Variants in GALNT9 observed in about 807,000 individuals in gnomAD.
The protein encoded by GALNT9 is polypeptide N-acetylgalactosaminyltransferase 9.
GALNT9 carries 47 observed loss-of-function variants against 63.1 expected under a neutral mutation model. That is an observed-to-expected ratio of 0.75 (90% CI 0.59 to 0.95). The LOEUF is 0.95. GALNT9 is among the 40% of genes least tolerant of loss of function. The pLI, the probability that GALNT9 is intolerant of heterozygous loss-of-function variation, is 0.00. For missense variants in GALNT9, 829 were observed against 874.8 expected (o/e 0.95, Z 0.66); for synonymous variants, 396 against 365.7 (o/e 1.08, Z -0.94).
chr12:132,258,543 A>T (rs926027188), intron 4 of GALNT9, among the ~76,000 whole-genome samples: 1 of 152,042 alleles, frequency 6.6e-6, no homozygotes, highest in Non-Finnish European at 1.5e-5. Context: ...CACAGTTTTA[A>T]GTAGGGCTGC....
chr12:132,281,550 G>A (rs781983913), intron 2 of GALNT9, among the ~76,000 whole-genome samples: 1 of 152,226 alleles, frequency 6.6e-6, no homozygotes, highest in Non-Finnish European at 1.5e-5. Context: ...CTTCAAACCA[G>A]AGTATCTATA....
chr12:132,297,956 CTCA>C (rs1881135484), intron 1 of GALNT9, among the ~76,000 whole-genome samples: 1 of 151,876 alleles, frequency 6.6e-6, no homozygotes. Context: ...TCAACTCACT[CTCA>C]TAATAACCAA....
In GALNT9 at chr12:132,286,625, G is replaced by A. The variant is rs782477783; in HGVS notation, c.239-195C>T. Among the ~76,000 whole-genome samples, 4 of 152,240 alleles carry A rather than the reference G, an allele frequency of 2.6e-5. No homozygotes were observed. The highest frequency in any genetic ancestry group is 4.4e-5 in the Non-Finnish European group (3 of 68,046). ...GCTGTGCGCGGAGTGAGAGGGCGGT[G>A]CCAGGCGGAAGAGGGAGGGATGAAT... On this transcript the variant is annotated intron_variant, in intron 1 of 10. Transcript: ENST00000328957. The surrounding 1 kb of genome is among the most constrained non-coding windows in gnomAD (Gnocchi z 7.4).
chr12:132,200,779 G>A, intron 8 of GALNT9: 1 of 249,498 alleles, frequency 4.0e-6, no homozygotes, highest in South Asian at 4.7e-5. Context: ...TAGGTACATT[G>A]AATCAGGCAT....
intron 6 of GALNT9, among the ~76,000 whole-genome samples, chr12:132,214,642 C>A (rs1241869033): frequency 6.6e-6 from 1 of 152,256 alleles, no homozygotes; most frequent in Non-Finnish European, 1.5e-5. Context: ...CTTGCCCATT[C>A]CTGGCCACAT....
intron 6 of GALNT9, among the ~76,000 whole-genome samples, chr12:132,227,841 C>T (rs973603696): frequency 2.0e-5 from 3 of 152,096 alleles, no homozygotes; most frequent in East Asian, 1.9e-4. Flanking sequence ...GAAGACCCCT[C>T]GTGCTCAGCG....
intron 9 of GALNT9, 30 bp downstream of exon 9, chr12:132,199,144 A>G (rs1224258683): frequency 6.9e-7 from 1 of 1,453,062 alleles, no homozygotes; most frequent in Non-Finnish European, 9.6e-7. Flanking sequence ...TCCCCTTGGG[A>G]GCTGCATGGG....
chr12:132,269,979 C>T (rs1409520364), intron 2 of GALNT9, among the ~76,000 whole-genome samples: 2 of 152,236 alleles, frequency 1.3e-5, no homozygotes, highest in East Asian at 1.9e-4. Flanking sequence ...CCCCAGGTGA[C>T]TTCGGTCTCC....
chr12:132,258,263 C>T (rs1000411485), intron 4 of GALNT9, among the ~76,000 whole-genome samples: 4 of 152,234 alleles, frequency 2.6e-5, no homozygotes, highest in African/African-American at 9.6e-5. Flanking sequence ...CGAGTCCCTC[C>T]TCTCCTTTCC....
At chr12:132,211,410 G>A (rs892131574) in intron 6 of GALNT9, among the ~76,000 whole-genome samples, 8 of 152,146 alleles carry the variant, frequency 5.3e-5, no homozygotes, top group African/African-American at 1.7e-4. Flanking sequence ...TTCATGATCC[G>A]AAACTGTAAT....
In GALNT9 at chr12:132,316,085, T is replaced by C. The variant is rs960436226; in HGVS notation, c.238+12881A>G. ...TCTTGGGTTCCGTCATGTTTCCTCA[T>C]CAGCCTTTCGCCTCCTCTCTCACTG... On this transcript the variant is annotated intron_variant, in intron 1 of 10. Transcript: ENST00000328957. This position sits in a 1 kb window ranked among gnomAD's most constrained non-coding sequence, Gnocchi z 4.3. Among the ~76,000 whole-genome samples, 3 of 152,114 alleles carry C rather than the reference T, an allele frequency of 2.0e-5. No individual in the cohort carries two copies. Among genetic ancestry groups the C allele is most frequent in the Non-Finnish European group, 4.4e-5 (3 of 68,018 alleles).
intron 6 of GALNT9, among the ~76,000 whole-genome samples, chr12:132,214,244 C>G (rs1641096783): frequency 6.6e-6 from 1 of 152,208 alleles, no homozygotes; most frequent in Non-Finnish European, 1.5e-5. Flanking sequence ...AGGCCAGCGA[C>G]TCCGCCCTCC....
intron 7 of GALNT9, 35 bp from the exon 8 acceptor site, chr12:132,201,296 G>C (rs769136204): frequency 1.3e-6 from 2 of 1,497,236 alleles, no homozygotes; most frequent in East Asian, 4.5e-5. Context: ...GGGTACATGG[G>C]TGTCACCATG....
chr12:132,298,973 T>C (rs978500987), intron 1 of GALNT9, among the ~76,000 whole-genome samples: 1 of 144,130 alleles, frequency 6.9e-6, no homozygotes, highest in Admixed American at 6.9e-5. Context: ...ATCACTCCCA[T>C]AACTAACCCA....
In GALNT9 at chr12:132,313,645, T is replaced by C. The variant is rs560794833; in HGVS notation, c.238+15321A>G. Among the ~76,000 whole-genome samples, 31 of 110,840 alleles carry C rather than the reference T, an allele frequency of 2.8e-4. No individual in the cohort carries two copies. In the South Asian group the frequency reaches 1.0e-2, roughly 36 times the overall value. 72.7% of individuals were successfully genotyped at this position (110,840 alleles called of 152,430 possible). On this transcript the variant is annotated intron_variant, in intron 1 of 10. Transcript: ENST00000328957. ...ACCCATCCATCCACCTACCCACTTA[T>C]CCATCCATCCACATATCCACCCATC...
At chr12:132,292,281 G>A (rs1319387901) in intron 1 of GALNT9, among the ~76,000 whole-genome samples, 1 of 152,214 alleles carries the variant, frequency 6.6e-6, no homozygotes, top group Non-Finnish European at 1.5e-5. Context: ...TGTGTTCACA[G>A]CATGTACCTG....
Position 132,196,786 on chromosome 12 carries a change from GC to G in GALNT9, c.*320del. On this transcript the variant is annotated 3_prime_UTR_variant, in exon 11 of 11. Coordinates refer to ENST00000328957, the MANE Select transcript of GALNT9 (RefSeq NM_001122636.2). ...TTGGCCTCCCTATGGGGCGTGGGGG[GC>G]TGTGGTACATGCAGAGGCGGCGGCT... 3 of 1,113,330 alleles carry G rather than the reference GC, an allele frequency of 2.7e-6. No homozygotes were observed. Among genetic ancestry groups the G allele is most frequent in the Non-Finnish European group, 3.3e-6 (3 of 908,706 alleles). 69.0% of individuals were successfully genotyped at this position (1,113,330 alleles called of 1,614,324 possible).
At chr12:132,309,212 C>T (rs1215763502) in intron 1 of GALNT9, among the ~76,000 whole-genome samples, 6 of 152,336 alleles carry the variant, frequency 3.9e-5, no homozygotes, top group Non-Finnish European at 5.9e-5. Flanking sequence ...TCCACTTCCT[C>T]GGGAGGATCC....
chr12:132,207,410 C>T (rs997941664), intron 6 of GALNT9, among the ~76,000 whole-genome samples: 1 of 152,234 alleles, frequency 6.6e-6, no homozygotes, highest in African/African-American at 2.4e-5. Context: ...GTCCCCGGGG[C>T]CTTCTGTGGC....
Sources: gnomAD v4.1 joint callset for allele counts (sites outside exome capture counted in the v4.1 genomes callset) on GRCh38, gnomAD v4.1.1 for gene constraint, Gnocchi (gnomAD v3.1) non-coding constraint, MANE v1.5 for transcripts, NCBI Gene and HGNC (gene_info 2026-07-23, HGNC 2026-07-21) for gene names.